Variants in SPATA13 observed in about 807,000 individuals in gnomAD.
The protein encoded by SPATA13 is spermatogenesis associated 13.
A neutral mutation model predicts 104.0 loss-of-function variants in SPATA13; 50 were observed. That is an observed-to-expected ratio of 0.48 (90% CI 0.38 to 0.61). The LOEUF (loss-of-function observed/expected upper bound fraction) is 0.61, where lower values mean the gene tolerates loss of function less well. SPATA13 is among the 20% of genes least tolerant of loss of function. The pLI, the probability that SPATA13 is intolerant of heterozygous loss-of-function variation, is 0.00. For synonymous variants in SPATA13, 606 were observed against 667.5 expected, an observed-to-expected ratio of 0.91 and a Z score of 1.42; for missense variants, 1,524 against 1,690.6, an observed-to-expected ratio of 0.90 and a Z score of 1.73.
At chr13:24,115,740 C>T (rs1261800576) in intron 3 of SPATA13, among the ~76,000 whole-genome samples, 5 of 152,202 alleles carry the variant, frequency 3.3e-5, no homozygotes, top group African/African-American at 4.8e-5. Context: ...CCAGATTTCT[C>T]AGTGGGTTGT....
intron 3 of SPATA13, among the ~76,000 whole-genome samples, chr13:24,131,666 G>A (rs1881392708): frequency 6.6e-6 from 1 of 152,214 alleles, no homozygotes; most frequent in South Asian, 2.1e-4. Context: ...CTTTCATACA[G>A]CTGTACAAAT....
chr13:24,116,824 G>C (rs187541901), intron 3 of SPATA13, among the ~76,000 whole-genome samples: 4 of 150,956 alleles, frequency 2.6e-5, no homozygotes, highest in Non-Finnish European at 4.4e-5. Flanking sequence ...GAGGTAATTA[G>C]GTTTAGATGA....
At chr13:24,174,380 A>T in intron 1 of SPATA13, among the ~76,000 whole-genome samples, 1 of 149,952 alleles carries the variant, frequency 6.7e-6, no homozygotes, top group East Asian at 2.0e-4. Context: ...CTTTAGGCTT[A>T]GTTTGCTTTT....
rs912148 is a variant in SPATA13, at chr13:24,204,247, C to G, written c.-111-18572C>G. ...CTGCCGTCCTCCAGAGTCTCTGTTA[C>G]TGTTATCCACATTTTTCATTTTGCA... On this transcript the variant is annotated intron_variant, in intron 1 of 12. Coordinates refer to ENST00000382108, the MANE Select transcript of SPATA13 (RefSeq NM_001166271.3). Among the ~76,000 whole-genome samples the G allele has an allele frequency of 5.3e-5, 8 of 152,190 alleles. No individual in the cohort carries two copies. The East Asian group carries it at 1.5e-3, about 29-fold the overall frequency.
Position 24,222,766 on chromosome 13 carries a change from AGG to A in SPATA13, c.-111-50_-111-49del, listed in dbSNP as rs1424302857. The A allele has an allele frequency of 1.2e-5, 18 of 1,442,008 alleles. No homozygotes were observed. In the African/African-American group the frequency reaches 2.3e-4, roughly 18 times the overall value. 89.3% of individuals were successfully genotyped at this position (1,442,008 alleles called of 1,614,324 possible). A position where few individuals can be genotyped will look rare whatever the true frequency, so the allele number is the denominator to read the frequency against. The stretch of plus-strand genomic sequence containing the variant: ...AGCGTGCCTCTTCTTCTGTGAGCAG[AGG>A]GGCTACTGCGTGGGAAATGGCTAAA... On this transcript the variant is annotated intron_variant, in intron 1 of 12. Transcript: ENST00000382108.
intron 3 of SPATA13, among the ~76,000 whole-genome samples, chr13:24,089,697 C>G (rs976461661): frequency 6.6e-6 from 1 of 152,190 alleles, no homozygotes; most frequent in Non-Finnish European, 1.5e-5. Context: ...AAGTATTTGT[C>G]ATTTATCTGA....
At chr13:23,979,912 GA>G (rs1424947078) in exon 1 of SPATA13, 2 of 152,314 alleles carry the variant, frequency 1.3e-5, no homozygotes, top group African/African-American at 4.8e-5. Context: ...ACGTAGGAGG[GA>G]TGCTGAGACA....
chr13:24,123,591 T>C, intron 3 of SPATA13: 1 of 1,608,582 alleles, frequency 6.2e-7, no homozygotes, highest in Non-Finnish European at 8.5e-7. Context: ...CTCTTTCCTC[T>C]TACTACAGGC....
chr13:24,022,040 CTCTTT>C (rs1221101900), intron 3 of SPATA13, among the ~76,000 whole-genome samples: 14 of 143,664 alleles, frequency 9.7e-5, no homozygotes, highest in South Asian at 4.5e-4. Context: ...TGTTTCTTTT[CTCTTT>C]TCTTTCTTTT....
intron 3 of SPATA13, among the ~76,000 whole-genome samples, chr13:24,131,979 C>T (rs1437915868): frequency 6.6e-6 from 1 of 152,204 alleles, no homozygotes; most frequent in African/African-American, 2.4e-5. Flanking sequence ...CCCTGACTCC[C>T]TTGCAGCTAG....
chr13:24,126,014 G>T (rs1183383541), intron 3 of SPATA13, among the ~76,000 whole-genome samples: 1 of 152,158 alleles, frequency 6.6e-6, no homozygotes, highest in African/African-American at 2.4e-5. Flanking sequence ...GGGGAGGTAC[G>T]AATAGAGCAG....
intron 3 of SPATA13, among the ~76,000 whole-genome samples, chr13:24,047,744 A>C (rs1878201337): frequency 6.6e-6 from 1 of 152,230 alleles, no homozygotes; most frequent in African/African-American, 2.4e-5. Flanking sequence ...GGCTCTCCAG[A>C]GAAACGGAAC....
intron 2 of SPATA13, among the ~76,000 whole-genome samples, chr13:24,002,505 T>G (rs896453762): frequency 6.6e-6 from 1 of 152,052 alleles, no homozygotes; most frequent in Non-Finnish European, 1.5e-5. Context: ...AAAGCACGGT[T>G]GGCTTAGGGA....
At chr13:24,301,100 T>C (rs1244744404) in intron 12 of SPATA13, among the ~76,000 whole-genome samples, 1 of 152,138 alleles carries the variant, frequency 6.6e-6, no homozygotes, top group Non-Finnish European at 1.5e-5. Context: ...TCCACACAAA[T>C]CTGGCCCAAC....
chr13:24,220,267 C>G (rs990356133), intron 1 of SPATA13, among the ~76,000 whole-genome samples: 1 of 152,166 alleles, frequency 6.6e-6, no homozygotes, highest in African/African-American at 2.4e-5. Flanking sequence ...GTCTTGGGCC[C>G]TTGTTTCCTT....
chr13:24,000,496 C>G lies in SPATA13; in HGVS notation c.-147+16563C>G, dbSNP rs9580824. ...AATGACTTTCAGGGCAGATAGAGCC[C>G]TTGCCATCCCCAAACCTGCCTTCTA... On this transcript the variant is annotated intron_variant, in intron 2 of 14. Transcript: ENST00000424834. Among the ~76,000 whole-genome samples the G allele has an allele frequency of 5.3e-5, 8 of 152,254 alleles. No homozygotes were observed. In the East Asian group the frequency reaches 1.5e-3, roughly 29 times the overall value.
At chr13:24,189,893 A>G (rs1450345798) in intron 1 of SPATA13, among the ~76,000 whole-genome samples, 2 of 72,554 alleles carry the variant, frequency 2.8e-5, no homozygotes, top group East Asian at 8.5e-4. Flanking sequence ...CATAATATAT[A>G]TTATATAATT....
chr13:24,305,243 C>T lies in SPATA13; in HGVS notation c.*2470C>T, dbSNP rs1422805427. The stretch of plus-strand genomic sequence containing the variant: ...GCTGAGCCCTAACTTCCGGCTCCCA[C>T]CTACCTCCACGGACTTCCTAACAGA... On this transcript the variant is annotated 3_prime_UTR_variant, in exon 13 of 13. Coordinates refer to ENST00000382108, the MANE Select transcript of SPATA13 (RefSeq NM_001166271.3). 1 of 152,074 alleles carries T rather than the reference C, an allele frequency of 6.6e-6. No individual in the cohort carries two copies. Among genetic ancestry groups the T allele is most frequent in the African/African-American group, 2.4e-5 (1 of 41,400 alleles). The allele number at this position is 152,074 out of a possible 1,614,324, so 9.4% of individuals were successfully genotyped here. A position where few individuals can be genotyped will look rare whatever the true frequency, so the allele number is the denominator to read the frequency against.
rs529900846 is a variant in SPATA13, at chr13:24,019,013, A to G, written c.-112+1312A>G. ...AGTGGATCTCAACAGACATATTAGAATTTGGTTGATATTCAGGGAAAGTGA... is the reference window on the plus strand; with the variant it reads ...AGTGGATCTCAACAGACATATTAGAGTTTGGTTGATATTCAGGGAAAGTGA... On this transcript the variant is annotated intron_variant, in intron 3 of 14. Coordinates refer to the SPATA13 transcript ENST00000424834. 2.6e-5 allele frequency among the ~76,000 whole-genome samples: 4 copies of G among 152,236 alleles called. No individual in the cohort carries two copies. The East Asian group carries it at 5.8e-4, about 22-fold the overall frequency.
Sources: allele counts gnomAD v4.1 joint callset (sites outside exome capture counted in the v4.1 genomes callset), GRCh38; gene constraint gnomAD v4.1.1; transcripts MANE v1.5; gene names NCBI Gene and HGNC (gene_info 2026-07-23, HGNC 2026-07-21).